CAMKMT: variants seen among roughly 807,000 people sequenced by gnomAD.
The protein encoded by CAMKMT is calmodulin-lysine N-methyltransferase.
CAMKMT carries 53 observed loss-of-function variants against 48.0 expected under a neutral mutation model. The ratio of observed to expected loss-of-function variants is 1.10; its 90% CI spans 0.89 to 1.39. The LOEUF (loss-of-function observed/expected upper bound fraction) is 1.39, where lower values mean the gene tolerates loss of function less well. CAMKMT is among the 40% of genes most tolerant of loss of function. CAMKMT has a pLI of 0.00. For synonymous variants in CAMKMT, 165 were observed against 152.3 expected (o/e 1.08, Z -0.61); for missense variants, 428 against 402.7 (o/e 1.06, Z -0.54).
intron 6 of CAMKMT, 60 bp downstream of exon 6, chr2:44,707,522 A>T: frequency 7.1e-7 from 1 of 1,415,974 alleles, no homozygotes; most frequent in Admixed American, 1.8e-5. Flanking sequence ...CTGGCTGAGT[A>T]ACAATTGATA....
In CAMKMT at chr2:44,618,560, C is replaced by T. The variant is rs1672016041; in HGVS notation, c.377-85723C>T. Among the ~76,000 whole-genome samples the T allele has an allele frequency of 6.6e-6, 1 of 152,194 alleles. No individual in the cohort carries two copies. The highest frequency in any genetic ancestry group is 1.5e-5 in the Non-Finnish European group (1 of 68,030). ...TTGGTTTTAAGACAAGTTAAATTAG[C>T]AGTCTTGAAATGATTCCAACTGTCT... On this transcript the variant is annotated intron_variant, in intron 3 of 10. Transcript: ENST00000378494. This position sits in a 1 kb window ranked among gnomAD's most constrained non-coding sequence, Gnocchi z 4.0.
chr2:44,590,867 T>A (rs1395782766), intron 3 of CAMKMT, among the ~76,000 whole-genome samples: 2 of 151,626 alleles, frequency 1.3e-5, no homozygotes, highest in South Asian at 4.2e-4. Context: ...GGTTTTCTTC[T>A]AGGGTTTTTA....
chr2:44,593,282 A>G (rs748387167), intron 3 of CAMKMT, among the ~76,000 whole-genome samples: 8 of 151,968 alleles, frequency 5.3e-5, no homozygotes, highest in African/African-American at 7.2e-5. Flanking sequence ...ACTGGATACT[A>G]TTTCCTTTAA....
chr2:44,698,166 C>T (rs1336972586), intron 3 of CAMKMT, among the ~76,000 whole-genome samples: 1 of 152,206 alleles, frequency 6.6e-6, no homozygotes, highest in Non-Finnish European at 1.5e-5. Flanking sequence ...AGTGTATTCA[C>T]ACACTTGTGC....
chr2:44,502,664 G>C (rs1412302524), intron 3 of CAMKMT, among the ~76,000 whole-genome samples: 1 of 152,088 alleles, frequency 6.6e-6, no homozygotes, highest in Non-Finnish European at 1.5e-5. Flanking sequence ...TTTCAAGGTG[G>C]TTCATAAAGG....
At chr2:44,372,026 A>T (rs960787463) in intron 1 of CAMKMT, among the ~76,000 whole-genome samples, 1 of 152,162 alleles carries the variant, frequency 6.6e-6, no homozygotes, top group East Asian at 1.9e-4. Flanking sequence ...ATACCTCCCC[A>T]TTCCTAGGTA....
intron 3 of CAMKMT, among the ~76,000 whole-genome samples, chr2:44,584,214 T>A (rs1669724330): frequency 1.3e-5 from 2 of 152,254 alleles, no homozygotes; most frequent in South Asian, 4.1e-4. Context: ...TTATTACTGA[T>A]TAGCATTTTA....
rs368894831 is a variant in CAMKMT, at chr2:44,372,769, A to G, written c.192A>G (p.Arg64=). ...GCCTGCGACATGTATCTGTAAGAAG[A>G]TTTGAATCATTTAATCTGTTTTCAG... The part of the protein sequence containing the change: ...DDCLRHVSVR[R]FESFNLFSVT... The change falls in exon 2 of 11, where the codon AGA becomes AGG. Residue 64 remains arginine, a synonymous_variant. Coordinates refer to ENST00000378494, the MANE Select transcript of CAMKMT (RefSeq NM_024766.5). The G allele has an allele frequency of 5.6e-6, 9 of 1,613,880 alleles. No individual in the cohort carries two copies. The highest frequency in any genetic ancestry group is 1.1e-5 in the South Asian group (1 of 91,064).
chr2:44,423,296 C>G (rs1385744679), intron 3 of CAMKMT, among the ~76,000 whole-genome samples: 1 of 152,142 alleles, frequency 6.6e-6, no homozygotes, highest in Non-Finnish European at 1.5e-5. Context: ...TCTCCTGCCT[C>G]AGCCTCCTGA....
intron 1 of CAMKMT, among the ~76,000 whole-genome samples, chr2:44,366,878 C>T (rs958608611): frequency 8.6e-5 from 13 of 152,010 alleles, no homozygotes; most frequent in African/African-American, 1.2e-4. Flanking sequence ...CACACCACCA[C>T]GCCTGGCTAA....
At chr2:44,545,030 T>C (rs1667320652) in intron 3 of CAMKMT, among the ~76,000 whole-genome samples, 1 of 152,142 alleles carries the variant, frequency 6.6e-6, no homozygotes, top group South Asian at 2.1e-4. Flanking sequence ...AAACAGCAAA[T>C]TTTCCATAGA....
At chr2:44,723,715 T>G (rs1214471331) in intron 7 of CAMKMT, 1 of 152,168 alleles carries the variant, frequency 6.6e-6, no homozygotes, top group Non-Finnish European at 1.5e-5. Context: ...TGTATTTTCT[T>G]GCTTATTTCG....
At chr2:44,560,905 T>G (rs190882224) in intron 3 of CAMKMT, among the ~76,000 whole-genome samples, 23 of 152,338 alleles carry the variant, frequency 1.5e-4, no homozygotes, top group Non-Finnish European at 2.6e-4. Context: ...CATGCTGTTT[T>G]CCTACTATCT....
intron 3 of CAMKMT, among the ~76,000 whole-genome samples, chr2:44,540,374 C>T (rs1667029596): frequency 6.6e-6 from 1 of 152,124 alleles, no homozygotes; most frequent in African/African-American, 2.4e-5. Flanking sequence ...CCAGGATCAT[C>T]TTGTACTTTC....
intron 6 of CAMKMT, among the ~76,000 whole-genome samples, chr2:44,713,540 T>A (rs1284574627): frequency 6.6e-6 from 1 of 152,190 alleles, no homozygotes. Context: ...TGTAGGCCGA[T>A]GTGTCATTTT....
At chr2:44,514,194 A>C (rs569987790) in intron 3 of CAMKMT, among the ~76,000 whole-genome samples, 1 of 151,896 alleles carries the variant, frequency 6.6e-6, no homozygotes, top group Non-Finnish European at 1.5e-5. Context: ...TCATTAGAGG[A>C]GGTGAAGAAT....
chr2:44,671,664 T>C (rs1380802375), intron 3 of CAMKMT, among the ~76,000 whole-genome samples: 1 of 152,214 alleles, frequency 6.6e-6, no homozygotes, highest in African/African-American at 2.4e-5. Context: ...CATGCCTTAT[T>C]TGAATTTTCA....
At chr2:44,445,993 T>G (rs945361628) in intron 3 of CAMKMT, among the ~76,000 whole-genome samples, 28 of 152,066 alleles carry the variant, frequency 1.8e-4, no homozygotes, top group African/African-American at 6.5e-4. Flanking sequence ...ATCCTTATCT[T>G]TATCCTTATT....
At chr2:44,694,412 A>G (rs916286944) in intron 3 of CAMKMT, among the ~76,000 whole-genome samples, 1 of 152,110 alleles carries the variant, frequency 6.6e-6, no homozygotes, top group Non-Finnish European at 1.5e-5. Context: ...TATCTCTACC[A>G]AAAATAGAAA....
Sources: allele counts gnomAD v4.1 joint callset (sites outside exome capture counted in the v4.1 genomes callset), GRCh38; gene constraint gnomAD v4.1.1; non-coding constraint Gnocchi (gnomAD v3.1); transcripts MANE v1.5; gene names NCBI Gene and HGNC (gene_info 2026-07-23, HGNC 2026-07-21).